DYM: variants seen among roughly 807,000 people sequenced by gnomAD.
DYM encodes the protein dymeclin.
Under a neutral mutation model 93.1 loss-of-function variants are expected in DYM, and 78 were observed. The observed-to-expected ratio is 0.84, with a 90% CI of 0.70 to 1.01. The LOEUF is 1.01. Ranked by LOEUF, DYM falls within the 50% of genes least tolerant of loss-of-function variation. The pLI, the probability that DYM is intolerant of heterozygous loss-of-function variation, is 0.00. For synonymous variants in DYM, 321 were observed against 319.7 expected (o/e 1.00, Z -0.04); for missense variants, 789 against 845.0 (o/e 0.93, Z 0.82).
At chr18:49,118,000 T>TA in intron 16 of DYM, among the ~76,000 whole-genome samples, 1 of 134,400 alleles carries the variant, frequency 7.4e-6, no homozygotes, top group East Asian at 2.1e-4. Flanking sequence ...CCCAGCCTTT[T>TA]TTTTTTTTTT....
chr18:49,272,944 C>T (rs1010902234), intron 10 of DYM, among the ~76,000 whole-genome samples: 1 of 151,854 alleles, frequency 6.6e-6, no homozygotes, highest in African/African-American at 2.4e-5. Context: ...TAAAGATGGG[C>T]AGACTATCTA....
intron 1 of DYM, among the ~76,000 whole-genome samples, chr18:49,457,262 C>T (rs778426853): frequency 6.6e-6 from 1 of 152,176 alleles, no homozygotes; most frequent in Non-Finnish European, 1.5e-5. Context: ...GACAGAGAGT[C>T]CCTGCCTTCT....
intron 16 of DYM, among the ~76,000 whole-genome samples, chr18:49,104,188 T>A (rs568016769): frequency 8.4e-4 from 128 of 152,106 alleles, no homozygotes; most frequent in African/African-American, 2.8e-3. Context: ...TGAATGGGAG[T>A]TCACTCATGA....
intron 16 of DYM, 180 bp downstream of exon 16, chr18:49,118,564 G>C (rs570686944): frequency 1.6e-6 from 1 of 617,764 alleles, no homozygotes; most frequent in South Asian, 1.9e-5. Context: ...AAATATGTAT[G>C]TGTGTGTATA....
intron 6 of DYM, among the ~76,000 whole-genome samples, chr18:49,354,319 G>T (rs753087765): frequency 8.6e-5 from 13 of 151,848 alleles, no homozygotes; most frequent in Non-Finnish European, 1.8e-4. Context: ...ATGACTTTTT[G>T]GATACAACAC....
At chr18:49,154,082 T>C (rs934505441) in intron 15 of DYM, among the ~76,000 whole-genome samples, 5 of 152,134 alleles carry the variant, frequency 3.3e-5, no homozygotes, top group African/African-American at 1.2e-4. Context: ...GACCTCAATC[T>C]AATCATGAGA....
intron 17 of DYM, among the ~76,000 whole-genome samples, chr18:49,081,438 A>C (rs1355462160): frequency 6.6e-6 from 1 of 150,890 alleles, no homozygotes; most frequent in Non-Finnish European, 1.5e-5. Flanking sequence ...GGTCGCCGTG[A>C]GCCGAGATGG....
At chr18:49,084,891 T>C (rs2078365404) in intron 17 of DYM, among the ~76,000 whole-genome samples, 1 of 152,208 alleles carries the variant, frequency 6.6e-6, no homozygotes, top group Non-Finnish European at 1.5e-5. Context: ...ATGAAGACGA[T>C]GACAGTTATA....
chr18:49,359,069 A>G (rs1568312149), intron 6 of DYM, among the ~76,000 whole-genome samples: 1 of 152,152 alleles, frequency 6.6e-6, no homozygotes, highest in Non-Finnish European at 1.5e-5. Flanking sequence ...AGACAGTGTC[A>G]CAAATTCCGA....
intron 1 of DYM, among the ~76,000 whole-genome samples, chr18:49,447,829 G>A (rs572411690): frequency 1.3e-5 from 2 of 152,250 alleles, no homozygotes; most frequent in African/African-American, 4.8e-5. Flanking sequence ...AGGGAATGTC[G>A]TAGTAACAAG....
intron 2 of DYM, among the ~76,000 whole-genome samples, chr18:49,421,814 C>T (rs1356155509): frequency 6.6e-6 from 1 of 152,190 alleles, no homozygotes; most frequent in Non-Finnish European, 1.5e-5. Context: ...CCTTAAATGA[C>T]CTTATGGAGC....
At chr18:49,169,241 C>A (rs1381787626) in intron 14 of DYM, among the ~76,000 whole-genome samples, 1 of 152,224 alleles carries the variant, frequency 6.6e-6, no homozygotes, top group Non-Finnish European at 1.5e-5. Context: ...CAGGTGAGGA[C>A]TGCTCAACTG....
At chr18:49,286,171 A>T (rs1198519270) in intron 9 of DYM, among the ~76,000 whole-genome samples, 1 of 152,164 alleles carries the variant, frequency 6.6e-6, no homozygotes, top group Non-Finnish European at 1.5e-5. Context: ...CCTAACAGGT[A>T]GTACAGACTG....
chr18:49,263,954 T>C (rs2040031388), intron 11 of DYM, among the ~76,000 whole-genome samples: 1 of 152,160 alleles, frequency 6.6e-6, no homozygotes, highest in Admixed American at 6.5e-5. Context: ...TTGATTAGCC[T>C]GGTATAGAGA....
intron 14 of DYM, among the ~76,000 whole-genome samples, chr18:49,165,532 T>C (rs1039000323): frequency 2.6e-5 from 4 of 152,236 alleles, no homozygotes; most frequent in East Asian, 1.9e-4. Context: ...AGGATATCCA[T>C]TGAAGACAGG....
Position 49,312,123 on chromosome 18 carries a change from A to G in DYM, c.763+19741T>C, listed in dbSNP as rs2146371649. Among the ~76,000 whole-genome samples the G allele has an allele frequency of 2.0e-5, 3 of 152,310 alleles. No homozygotes were observed. In the Middle Eastern group the frequency reaches 0.01, roughly 518 times the overall value. On this transcript the variant is annotated intron_variant, in intron 8 of 17. Coordinates refer to ENST00000675505, the MANE Select transcript of DYM (RefSeq NM_001353214.3). ...TTGATGCACTGTGTGTGACTGTATA[A>G]CTGAGGGTATATTGGGATTGGGGGA...
chr18:49,373,596 C>T (rs184707644), intron 5 of DYM, among the ~76,000 whole-genome samples: 276 of 152,228 alleles, frequency 1.8e-3, no homozygotes, highest in African/African-American at 6.4e-3. Context: ...GTGCCAACTT[C>T]CTATCTCATT....
chr18:49,415,428 CTT>C (rs527660269), intron 2 of DYM, among the ~76,000 whole-genome samples: 39 of 136,396 alleles, frequency 2.9e-4, no homozygotes, highest in Admixed American at 3.7e-4. Context: ...TTATTTTTAT[CTT>C]TTTTTTTTTT....
intron 10 of DYM, among the ~76,000 whole-genome samples, chr18:49,280,547 A>G (rs2094944417): frequency 6.6e-6 from 1 of 152,148 alleles, no homozygotes; most frequent in Non-Finnish European, 1.5e-5. Context: ...GAAGACCTGA[A>G]CAGGCTGAAT....
Sources: allele counts gnomAD v4.1 joint callset (sites outside exome capture counted in the v4.1 genomes callset), GRCh38; gene constraint gnomAD v4.1.1; transcripts MANE v1.5; gene names NCBI Gene and HGNC (gene_info 2026-07-23, HGNC 2026-07-21).